Variants in MBOAT1 observed in about 807,000 individuals in gnomAD.
The protein encoded by MBOAT1 is membrane-bound glycerophospholipid O-acyltransferase 1.
In MBOAT1, 67 loss-of-function variants were observed where a neutral mutation model predicts 64.4. The ratio of observed to expected loss-of-function variants is 1.04; its 90% CI spans 0.85 to 1.27. The LOEUF (loss-of-function observed/expected upper bound fraction) is 1.27, where lower values mean the gene tolerates loss of function less well. MBOAT1 is among the 50% of genes most tolerant of loss of function. The probability of loss-of-function intolerance (pLI) is 0.00; values close to 1 mark genes in which losing one functional copy is unlikely to be tolerated. For missense variants in MBOAT1, 563 were observed against 604.6 expected, an observed-to-expected ratio of 0.93 and a Z score of 0.72; for synonymous variants, 229 against 218.9, an observed-to-expected ratio of 1.05 and a Z score of -0.41.
intron 1 of MBOAT1, among the ~76,000 whole-genome samples, chr6:20,189,517 C>T (rs974045822): frequency 6.6e-6 from 1 of 152,184 alleles, no homozygotes; most frequent in African/African-American, 2.4e-5. Flanking sequence ...CATCCTGCTT[C>T]AGCTTCCCAA....
chr6:20,139,026 TGTGA>T (rs1761088003), intron 4 of MBOAT1, among the ~76,000 whole-genome samples: 1 of 152,198 alleles, frequency 6.6e-6, no homozygotes, highest in Admixed American at 6.5e-5. Flanking sequence ...TATGCATGTG[TGTGA>T]GTCTGTCCCT....
rs1463574803 is a variant in MBOAT1, at chr6:20,102,225, C to A, written c.*61G>T. On this transcript the variant is annotated 3_prime_UTR_variant, in exon 13 of 13. Coordinates refer to ENST00000324607, the MANE Select transcript of MBOAT1 (RefSeq NM_001080480.3). ...TAAGCCACCGGAGGAGCCCTTGAAG[C>A]CTTGTCATCTCATCTTTCGAACGTT... The A allele has an allele frequency of 2.5e-6, 4 of 1,569,608 alleles. No individual in the cohort carries two copies. Among genetic ancestry groups the A allele is most frequent in the East Asian group, 2.3e-5 (1 of 43,398 alleles).
chr6:20,104,751 A>C (rs1241492517), intron 12 of MBOAT1, among the ~76,000 whole-genome samples: 3 of 152,244 alleles, frequency 2.0e-5, no homozygotes, highest in South Asian at 4.1e-4. Flanking sequence ...ATATGCCCCT[A>C]AACTTCCCCA....
At chr6:20,115,881 G>C (rs540995734) in intron 9 of MBOAT1, among the ~76,000 whole-genome samples, 2 of 152,048 alleles carry the variant, frequency 1.3e-5, no homozygotes, top group South Asian at 4.2e-4. Context: ...TATGCATGAA[G>C]GCATCACAGT....
chr6:20,138,206 G>C (rs1250453368), intron 4 of MBOAT1, among the ~76,000 whole-genome samples: 1 of 151,854 alleles, frequency 6.6e-6, no homozygotes, highest in Non-Finnish European at 1.5e-5. Context: ...ATGACAAAAA[G>C]AAAAAAAGAC....
At chr6:20,166,938 C>T (rs958866087) in intron 1 of MBOAT1, among the ~76,000 whole-genome samples, 6 of 145,168 alleles carry the variant, frequency 4.1e-5, no homozygotes, top group South Asian at 2.2e-4. Flanking sequence ...GACCCTGTCA[C>T]GAATGAATGA....
chr6:20,164,211 A>C (rs1203826836), intron 1 of MBOAT1, among the ~76,000 whole-genome samples: 5 of 151,090 alleles, frequency 3.3e-5, no homozygotes, highest in African/African-American at 1.2e-4. Context: ...ACACAAACAC[A>C]CCCCATATAT....
chr6:20,143,873 C>T (rs182589815), intron 4 of MBOAT1, among the ~76,000 whole-genome samples: 12 of 152,306 alleles, frequency 7.9e-5, no homozygotes, highest in African/African-American at 2.6e-4. Flanking sequence ...TTGCAGGCCA[C>T]GTGGCTTTTC....
At chr6:20,111,619 C>T (rs1419407922) in intron 11 of MBOAT1, among the ~76,000 whole-genome samples, 1 of 151,652 alleles carries the variant, frequency 6.6e-6, no homozygotes, top group Non-Finnish European at 1.5e-5. Context: ...TGTTAGCAAA[C>T]AGAATTCTAA....
chr6:20,211,969 AACACACACACACACACACAC>A (rs57852903), intron 1 of MBOAT1, 147 bp downstream of exon 1: 67 of 456,966 alleles, frequency 1.5e-4, no homozygotes, highest in Admixed American at 2.3e-4. Flanking sequence ...AAGAAGGGAA[AACACACACACACACACACAC>A]ACACACACAC....
At chr6:20,163,479 T>TG (rs562930883) in intron 1 of MBOAT1, among the ~76,000 whole-genome samples, 140 of 152,214 alleles carry the variant, frequency 9.2e-4, no homozygotes, top group Non-Finnish European at 1.9e-3. Context: ...TGACAACTTT[T>TG]GATGTGCTTT....
At chr6:20,122,206 A>C (rs1424099058) in intron 8 of MBOAT1, among the ~76,000 whole-genome samples, 1 of 152,176 alleles carries the variant, frequency 6.6e-6, no homozygotes, top group East Asian at 1.9e-4. Flanking sequence ...AAATAAGGTC[A>C]GTGATGTAAG....
chr6:20,113,030 A>G (rs994928961), intron 10 of MBOAT1, 22 bp from the exon 11 acceptor site: 3 of 1,608,132 alleles, frequency 1.9e-6, no homozygotes, highest in Admixed American at 1.7e-5. Context: ...GGAAGGAACA[A>G]GACACAGGTG....
At chr6:20,129,689 G>A (rs926510928) in intron 5 of MBOAT1, among the ~76,000 whole-genome samples, 3 of 152,166 alleles carry the variant, frequency 2.0e-5, no homozygotes, top group African/African-American at 7.2e-5. Flanking sequence ...AAGAAGCAGT[G>A]TTTTTAAAAA....
At chr6:20,155,570 T>A (rs1220346534) in intron 1 of MBOAT1, among the ~76,000 whole-genome samples, 1 of 152,224 alleles carries the variant, frequency 6.6e-6, no homozygotes, top group African/African-American at 2.4e-5. Context: ...TCTGATTCTA[T>A]ATCTAACCTG....
chr6:20,185,018 G>A (rs1762611934), intron 1 of MBOAT1, among the ~76,000 whole-genome samples: 1 of 152,056 alleles, frequency 6.6e-6, no homozygotes, highest in Non-Finnish European at 1.5e-5. Flanking sequence ...GGGAGGCTGA[G>A]GTGAGAGGAT....
intron 1 of MBOAT1, among the ~76,000 whole-genome samples, chr6:20,194,199 AAC>A (rs1405999494): frequency 6.6e-6 from 1 of 152,220 alleles, no homozygotes; most frequent in Non-Finnish European, 1.5e-5. Context: ...TTATTAGAAT[AAC>A]ACAGAGTTCC....
At chr6:20,194,637 T>A (rs1174967823) in intron 1 of MBOAT1, among the ~76,000 whole-genome samples, 1 of 152,190 alleles carries the variant, frequency 6.6e-6, no homozygotes, top group African/African-American at 2.4e-5. Flanking sequence ...CTGACTTTGA[T>A]CACTCAGCTG....
At chr6:20,188,865 A>C (rs188056685) in intron 1 of MBOAT1, among the ~76,000 whole-genome samples, 35 of 152,280 alleles carry the variant, frequency 2.3e-4, no homozygotes, top group African/African-American at 7.7e-4. Context: ...AAGTTCCTTT[A>C]TCTGTGCCTG....
Sources: gnomAD v4.1 joint callset for allele counts (sites outside exome capture counted in the v4.1 genomes callset) on GRCh38, gnomAD v4.1.1 for gene constraint, MANE v1.5 for transcripts, NCBI Gene and HGNC (gene_info 2026-07-23, HGNC 2026-07-21) for gene names.